AGBL4: variants seen among roughly 807,000 people sequenced by gnomAD.
The protein encoded by AGBL4 is cytosolic carboxypeptidase 6.
A neutral mutation model predicts 66.4 loss-of-function variants in AGBL4; 58 were observed. The ratio of observed to expected loss-of-function variants is 0.87; its 90% confidence interval spans 0.71 to 1.09. The LOEUF is 1.09. Ranked by LOEUF, AGBL4 falls within the 50% of genes least tolerant of loss-of-function variation. The pLI is 0.00. For synonymous variants in AGBL4, 234 were observed against 222.9 expected, an observed-to-expected ratio of 1.05 and a Z score of -0.44; for missense variants, 579 against 631.0, an observed-to-expected ratio of 0.92 and a Z score of 0.88.
At chr1:48,894,137 T>G (rs1280012263) in intron 5 of AGBL4, among the ~76,000 whole-genome samples, 1 of 152,216 alleles carries the variant, frequency 6.6e-6, no homozygotes, top group African/African-American at 2.4e-5. Context: ...GTAATTCTAC[T>G]GTTAGGAAAT....
intron 6 of AGBL4, among the ~76,000 whole-genome samples, chr1:48,698,231 T>A (rs1646745347): frequency 6.6e-6 from 1 of 152,006 alleles, no homozygotes. Flanking sequence ...CAAGAAAAGA[T>A]CAGTGGGATG....
intron 2 of AGBL4, among the ~76,000 whole-genome samples, chr1:49,754,671 AG>A (rs1373589558): frequency 6.6e-6 from 1 of 152,218 alleles, no homozygotes; most frequent in African/African-American, 2.4e-5. Context: ...TACAGGGGTC[AG>A]GAACCCACTT....
intron 9 of AGBL4, 75 bp downstream of exon 9, chr1:48,634,418 C>T (rs1645636092): frequency 2.4e-6 from 3 of 1,268,012 alleles, no homozygotes; most frequent in Admixed American, 4.3e-5. Context: ...TTCTAGTGGA[C>T]TTTCCCAATA....
intron 3 of AGBL4, among the ~76,000 whole-genome samples, chr1:49,381,024 G>T (rs932777671): frequency 5.9e-5 from 9 of 152,074 alleles, no homozygotes; most frequent in African/African-American, 1.7e-4. Flanking sequence ...GAGCTTTTGT[G>T]CAGCAAAAGA....
At chr1:49,441,362 G>A (rs893738463) in intron 3 of AGBL4, among the ~76,000 whole-genome samples, 16 of 152,278 alleles carry the variant, frequency 1.1e-4, no homozygotes, top group Admixed American at 7.2e-4. Context: ...ATTTAATGTT[G>A]CAGCTCCAGG....
chr1:48,928,728 A>G (rs1654792602), intron 5 of AGBL4, among the ~76,000 whole-genome samples: 1 of 150,038 alleles, frequency 6.7e-6, no homozygotes, highest in African/African-American at 2.5e-5. Context: ...AATAATAGGC[A>G]TAATTATATA....
chr1:48,817,912 A>C, intron 6 of AGBL4: 1 of 620,954 alleles, frequency 1.6e-6, no homozygotes, highest in South Asian at 2.0e-5. Flanking sequence ...ATTTTGGGTG[A>C]ATGGTGGAGG....
intron 9 of AGBL4, among the ~76,000 whole-genome samples, chr1:48,601,690 G>T (rs1453112891): frequency 6.6e-6 from 1 of 152,152 alleles, no homozygotes. Context: ...AAGTAGATAG[G>T]ATTATGATCT....
At chr1:49,754,372 G>A (rs1258924121) in intron 2 of AGBL4, among the ~76,000 whole-genome samples, 1 of 151,154 alleles carries the variant, frequency 6.6e-6, no homozygotes, top group African/African-American at 2.4e-5. Context: ...ATGTATACAT[G>A]TGCATGGGTG....
intron 5 of AGBL4, among the ~76,000 whole-genome samples, chr1:48,886,549 A>T (rs1364907671): frequency 6.6e-6 from 1 of 151,916 alleles, no homozygotes; most frequent in Non-Finnish European, 1.5e-5. Flanking sequence ...ATTGTTTTTT[A>T]TTTTTTATTT....
At chr1:49,283,426 C>A (rs1414927321) in intron 3 of AGBL4, among the ~76,000 whole-genome samples, 2 of 152,174 alleles carry the variant, frequency 1.3e-5, no homozygotes, top group Non-Finnish European at 2.9e-5. Flanking sequence ...GGGGAAAAAA[C>A]AGAACAGAAA....
chr1:48,531,205 T>TCTCTC (rs1557765078), downstream of AGBL4, among the ~76,000 whole-genome samples: 7 of 136,696 alleles, frequency 5.1e-5, no homozygotes, highest in Admixed American at 4.9e-4. Context: ...CAGCTTTTTT[T>TCTCTC]TTTCTCTCTC....
chr1:48,862,277 C>T (rs1647545462), intron 6 of AGBL4, among the ~76,000 whole-genome samples: 1 of 152,192 alleles, frequency 6.6e-6, no homozygotes, highest in Non-Finnish European at 1.5e-5. Flanking sequence ...TGCCATTCTC[C>T]TTTAAAAGTG....
At chr1:48,542,681 A>G (rs180976015) in intron 11 of AGBL4, among the ~76,000 whole-genome samples, 33 of 151,888 alleles carry the variant, frequency 2.2e-4, no homozygotes, top group Non-Finnish European at 1.0e-4. Context: ...TCACTTTTTG[A>G]TGGGGTTGTT....
intron 1 of AGBL4, among the ~76,000 whole-genome samples, chr1:49,907,967 A>G: frequency 6.6e-6 from 1 of 152,308 alleles, no homozygotes; most frequent in African/African-American, 2.4e-5. Flanking sequence ...CTCAAAAAAT[A>G]AAGTCTTTAA....
chr1:48,789,335 C>T (rs1284042065), intron 6 of AGBL4, among the ~76,000 whole-genome samples: 2 of 151,434 alleles, frequency 1.3e-5, no homozygotes, highest in African/African-American at 2.4e-5. Context: ...GTCACCCAGG[C>T]TGGAGTGCAG....
chr1:49,916,901 C>A (rs1345703988), intron 1 of AGBL4, among the ~76,000 whole-genome samples: 2 of 152,176 alleles, frequency 1.3e-5, no homozygotes, highest in Non-Finnish European at 2.9e-5. Flanking sequence ...AGAAACCCTA[C>A]AAGCCAGAAG....
intron 3 of AGBL4, among the ~76,000 whole-genome samples, chr1:49,325,122 A>C (rs1016350738): frequency 6.6e-6 from 1 of 152,138 alleles, no homozygotes; most frequent in Non-Finnish European, 1.5e-5. Flanking sequence ...TCCTGGGTTC[A>C]CACCATTCTC....
At chr1:48,956,609 TA>T (rs1299645092) in intron 5 of AGBL4, among the ~76,000 whole-genome samples, 1 of 152,206 alleles carries the variant, frequency 6.6e-6, no homozygotes, top group South Asian at 2.1e-4. Context: ...AAGAGGTTTG[TA>T]ATCATTCCTA....
Sources: allele counts gnomAD v4.1 joint callset (sites outside exome capture counted in the v4.1 genomes callset), GRCh38; gene constraint gnomAD v4.1.1; transcripts MANE v1.5; gene names NCBI Gene and HGNC (gene_info 2026-07-23, HGNC 2026-07-21).